Variants in RBM6 observed in about 807,000 individuals in gnomAD.
The protein encoded by RBM6 is RNA binding motif protein 6.
RBM6 carries 23 observed loss-of-function variants against 140.4 expected under a neutral mutation model. That is an observed-to-expected ratio of 0.16 (90% CI 0.12 to 0.23). RBM6 has a LOEUF of 0.23. Among genes scored for constraint, RBM6 ranks in the 10% least tolerant of loss-of-function variants. RBM6 has a pLI of 1.00. For synonymous variants in RBM6, 439 were observed against 475.6 expected (o/e 0.92, Z 1.00); for missense variants, 1,139 against 1,386.7 (o/e 0.82, Z 2.84).
chr3:50,077,153 G>A lies in RBM6; in HGVS notation c.*20G>A, dbSNP rs746932096. ...GATTAAGAAAGGAGACAAGTTCCAT[G>A]GGATACAACCTCCCTCTTGTTTTGT... On this transcript the variant is annotated 3_prime_UTR_variant, in exon 21 of 21. Coordinates refer to ENST00000266022, the MANE Select transcript of RBM6 (RefSeq NM_005777.3). 4 of 1,601,094 alleles carry A rather than the reference G, an allele frequency of 2.5e-6. No individual in the cohort carries two copies. The highest frequency in any genetic ancestry group is 3.4e-6 in the Non-Finnish European group (4 of 1,175,238).
intron 5 of RBM6, among the ~76,000 whole-genome samples, chr3:49,975,944 C>T (rs1172360559): frequency 6.6e-6 from 1 of 152,142 alleles, no homozygotes; most frequent in African/African-American, 2.4e-5. Flanking sequence ...TTAAACTTTT[C>T]AGAATATCCT....
At chr3:49,977,948 C>G (rs1204914105) in intron 5 of RBM6, among the ~76,000 whole-genome samples, 1 of 151,840 alleles carries the variant, frequency 6.6e-6, no homozygotes, top group Non-Finnish European at 1.5e-5. Context: ...AAGACCTTGT[C>G]TCTTAAAAAG....
At chr3:50,071,572 T>A (rs1458235045) in intron 19 of RBM6, among the ~76,000 whole-genome samples, 9 of 151,914 alleles carry the variant, frequency 5.9e-5, no homozygotes, top group Admixed American at 5.9e-4. Context: ...GGAAGGAGGA[T>A]CTCTTGAGCC....
intron 6 of RBM6, among the ~76,000 whole-genome samples, chr3:50,005,261 C>G (rs981970249): frequency 3.3e-5 from 5 of 152,188 alleles, no homozygotes; most frequent in African/African-American, 1.2e-4. Context: ...CTTTTGCAGG[C>G]TGTGACAGGA....
intron 5 of RBM6, among the ~76,000 whole-genome samples, chr3:49,988,319 A>AT (rs2085659888): frequency 6.6e-6 from 1 of 151,754 alleles, no homozygotes. Context: ...TAATTTTTGT[A>AT]TTTTTTGTAG....
Position 50,047,259 on chromosome 3 carries a change from AAC to A in RBM6, c.1558-982_1558-981del, listed in dbSNP as rs199938108. ...TATAACTCAGAGCCCTGTCTGAGGA[AAC>A]ACAGAGGACCCTAGAGGGCGGAGAA... On this transcript the variant is annotated intron_variant, in intron 6 of 20. Transcript: ENST00000266022. 864 of 985,418 alleles carry A rather than the reference AAC, an allele frequency of 8.8e-4. 7 individuals carry two copies. In the East Asian group the frequency reaches 0.012, roughly 14 times the overall value. The allele number at this position is 985,418 out of a possible 1,614,324, so 61.0% of individuals were successfully genotyped here.
Position 50,054,415 on chromosome 3 carries a change from G to C in RBM6, c.1693+20G>C, listed in dbSNP as rs762283239. 6.3e-7 allele frequency: 1 copy of C among 1,594,852 alleles called. No homozygotes were observed. The highest frequency in any genetic ancestry group is 8.6e-7 in the Non-Finnish European group (1 of 1,162,496). On this transcript the variant is annotated intron_variant, in intron 8 of 20. Transcript: ENST00000266022. ...GAGAAGGTGAGTGGCGAAAGTGGTA[G>C]CAGTTTTTATCTCGTGCATTGAGCA...
chr3:49,987,573 T>C (rs13082703), intron 5 of RBM6, among the ~76,000 whole-genome samples: 53,569 of 151,732 alleles, frequency 0.35, 10,045 homozygotes, highest in Non-Finnish European at 0.44. Flanking sequence ...CACCTCGACC[T>C]CCCAAAGTCC....
At chr3:49,954,468 G>C (rs1575533390) in intron 1 of RBM6, among the ~76,000 whole-genome samples, 1 of 151,146 alleles carries the variant, frequency 6.6e-6, no homozygotes, top group Non-Finnish European at 1.5e-5. Flanking sequence ...AATTTGTGAA[G>C]ACAAGGTCTC....
At chr3:50,051,047 A>G (rs182568548) in intron 7 of RBM6, among the ~76,000 whole-genome samples, 27 of 152,090 alleles carry the variant, frequency 1.8e-4, no homozygotes, top group African/African-American at 4.8e-4. Flanking sequence ...AAGAAAAAAA[A>G]AGAGAGAGAG....
intron 17 of RBM6, 48 bp downstream of exon 17, chr3:50,066,550 G>A (rs375696196): frequency 5.1e-5 from 81 of 1,577,800 alleles, no homozygotes; most frequent in Non-Finnish European, 6.6e-5. Flanking sequence ...ACTCTTGGCC[G>A]GGCTTTGTGG....
rs542837261 is a variant in RBM6 at position 50,035,383 on chromosome 3, G to A, written c.1558-12862G>A. On this transcript the variant is annotated intron_variant, in intron 6 of 20. Transcript: ENST00000266022. ...AAAAGCCAGACTTACAGGCTACTCTGTATAATAGAAACTTCAGGACAGGGT... is the reference window on the plus strand; with the variant it reads ...AAAAGCCAGACTTACAGGCTACTCTATATAATAGAAACTTCAGGACAGGGT... 3.6e-4 allele frequency among the ~76,000 whole-genome samples: 55 copies of A among 152,144 alleles called. No individual in the cohort carries two copies. In the South Asian group the frequency reaches 0.011, roughly 31 times the overall value.
chr3:49,954,927 T>G (rs775542748), intron 1 of RBM6, among the ~76,000 whole-genome samples: 1 of 151,748 alleles, frequency 6.6e-6, no homozygotes, highest in Non-Finnish European at 1.5e-5. Flanking sequence ...CCCAGCTAAT[T>G]TTTTTGTATT....
rs2084955362 is a variant in RBM6, at chr3:49,974,279, G to A, written c.1414-1044G>A. Among the ~76,000 whole-genome samples, 2 of 151,802 alleles carry A rather than the reference G, an allele frequency of 1.3e-5. 1 individual carries two copies. The highest frequency in any genetic ancestry group is 4.2e-4 in the South Asian group (2 of 4,802). On this transcript the variant is annotated intron_variant, in intron 4 of 20. Coordinates refer to ENST00000266022, the MANE Select transcript of RBM6 (RefSeq NM_005777.3). ...GGGTACTCCAGACTGGAGTGCAATG[G>A]CCCAATCAAGGCTCACTACAGCCTC...
At position 49,982,262 on chromosome 3, in the gene RBM6, C is replaced by CTTTTTTTTTTTTT. The variant is rs751604271; in HGVS notation, c.1483+6886_1483+6898dup. Among the ~76,000 whole-genome samples, 33 of 68,394 alleles carry CTTTTTTTTTTTTT rather than the reference C, an allele frequency of 4.8e-4. 1 individual carries two copies. Among genetic ancestry groups the CTTTTTTTTTTTTT allele is most frequent in the African/African-American group, 1.4e-3 (24 of 16,766 alleles). The allele number at this position is 68,394 out of a possible 152,430, so 44.9% of individuals were successfully genotyped here. ...GTACCTTCTGCATTTCTTTTCTTTT[C>CTTTTTTTTTTTTT]TTTTTTTTTTTTTTTTTTTTTTTTT... On this transcript the variant is annotated intron_variant, in intron 5 of 20. Transcript: ENST00000266022.
At chr3:50,002,758 C>T (rs1171747261) in intron 6 of RBM6, among the ~76,000 whole-genome samples, 1 of 152,066 alleles carries the variant, frequency 6.6e-6, no homozygotes, top group African/African-American at 2.4e-5. Context: ...AAAACTAATT[C>T]TTTAAGGAAA....
In RBM6 at chr3:49,968,470, T is replaced by C; in HGVS notation, c.1045T>C (p.Phe349Leu). The change falls in exon 3 of 21, where the codon TTT (phenylalanine) becomes CTT (leucine). Residue 349 changes from phenylalanine (F) to leucine (L), a missense_variant. Physicochemically the swap from Phe to Leu is conservative, Grantham distance 22. Transcript: ENST00000266022. ...TREGETQGVAFEHESPADFQN... is the reference protein window; with the variant it reads ...TREGETQGVALEHESPADFQN... ...AGAAGGAGAAACACAAGGTGTAGCC[T>C]TTGAACATGAGTCTCCAGCAGACTT... The C allele has an allele frequency of 3.1e-6, 5 of 1,614,184 alleles. No homozygotes were observed. The highest frequency in any genetic ancestry group is 4.2e-6 in the Non-Finnish European group (5 of 1,180,020).
intron 6 of RBM6, among the ~76,000 whole-genome samples, chr3:50,039,878 A>G (rs1209185634): frequency 6.6e-6 from 1 of 152,120 alleles, no homozygotes; most frequent in Non-Finnish European, 1.5e-5. Context: ...TTGCTTATTT[A>G]TATATTTTGC....
At chr3:50,029,954 C>G (rs2108818479) in intron 6 of RBM6, among the ~76,000 whole-genome samples, 1 of 151,154 alleles carries the variant, frequency 6.6e-6, no homozygotes. Context: ...CTCTTGAACC[C>G]AAGAGGTCGA....
Sources: gnomAD v4.1 joint callset for allele counts (sites outside exome capture counted in the v4.1 genomes callset) on GRCh38, gnomAD v4.1.1 for gene constraint, MANE v1.5 for transcripts, NCBI Gene and HGNC (gene_info 2026-07-23, HGNC 2026-07-21) for gene names.